The following SMG7 variants were observed in gnomAD, a reference collection of about 807,000 sequenced individuals.
The protein encoded by SMG7 is nonsense-mediated mRNA decay factor SMG7.
A neutral mutation model predicts 148.2 loss-of-function variants in SMG7; 34 were observed. The observed-to-expected ratio is 0.23, with a 90% CI of 0.17 to 0.31. The LOEUF (loss-of-function observed/expected upper bound fraction) is 0.31. Among genes scored for constraint, SMG7 ranks in the 10% least tolerant of loss-of-function variants. SMG7 has a pLI of 1.00. For missense variants in SMG7, 1,114 were observed against 1,408.4 expected (o/e 0.79, Z 3.35); for synonymous variants, 492 against 515.1 (o/e 0.96, Z 0.61).
intron 10 of SMG7, among the ~76,000 whole-genome samples, chr1:183,536,120 TTC>T (rs2102671206): frequency 6.6e-6 from 1 of 152,248 alleles, no homozygotes; most frequent in South Asian, 2.1e-4. Flanking sequence ...TTCTTTTTCT[TTC>T]TTTCTTTTTT....
chr1:183,509,716 T>C (rs1661719222), intron 1 of SMG7, among the ~76,000 whole-genome samples: 1 of 152,238 alleles, frequency 6.6e-6, no homozygotes, highest in South Asian at 2.1e-4. Flanking sequence ...CTACCCTTGT[T>C]ATACTGAGGA....
Position 183,552,254 on chromosome 1 carries a change from A to G in SMG7, c.*323A>G. 2 of 1,033,454 alleles carry G rather than the reference A, an allele frequency of 1.9e-6. No homozygotes were observed. The highest frequency in any genetic ancestry group is 3.4e-5 in the African/African-American group (2 of 59,292). 64.0% of individuals were successfully genotyped at this position (1,033,454 alleles called of 1,614,324 possible). On this transcript the variant is annotated 3_prime_UTR_variant, in exon 23 of 23. Transcript: ENST00000688051. ...ATGTCCCCAGCCACATGGGAAGTGA[A>G]AGCTGAGAAGGGAAGGCAGATGGGA...
rs1158236227 is a variant in SMG7 at position 183,550,797 on chromosome 1, C to T, written c.3180C>T (p.Ser1060=). 1 of 1,614,122 alleles carries T rather than the reference C, an allele frequency of 6.2e-7. No homozygotes were observed. ...AGTCTCCTCATTCCTCTAACCCAAG[C>T]AGCCTACCCAGCTCTCCTCCAACAC... ...ASQSPHSSNP[S]SLPSSPPTHN... The change falls in exon 21 of 23, where the codon AGC becomes AGT. Residue 1060 remains serine (S), a synonymous_variant. Transcript: ENST00000688051.
At chr1:183,538,077 T>A (rs1668117461) in intron 11 of SMG7, among the ~76,000 whole-genome samples, 1 of 152,184 alleles carries the variant, frequency 6.6e-6, no homozygotes, top group Non-Finnish European at 1.5e-5. Flanking sequence ...AGACAGGTAA[T>A]CTAAACATTG....
chr1:183,526,065 G>A (rs1046586508), intron 4 of SMG7, among the ~76,000 whole-genome samples: 1 of 151,174 alleles, frequency 6.6e-6, no homozygotes, highest in South Asian at 2.1e-4. Flanking sequence ...CTAGATTGCT[G>A]TAATACTTGA....
intron 1 of SMG7, among the ~76,000 whole-genome samples, chr1:183,476,627 G>A (rs1652247626): frequency 6.6e-6 from 1 of 152,134 alleles, no homozygotes; most frequent in African/African-American, 2.4e-5. Flanking sequence ...CTTCTATGTG[G>A]GAAAGATGAT....
intron 1 of SMG7, among the ~76,000 whole-genome samples, chr1:183,493,097 T>C (rs1457168654): frequency 6.6e-6 from 1 of 151,982 alleles, no homozygotes; most frequent in East Asian, 1.9e-4. Context: ...GCCTCCTGAG[T>C]AGCTGGAACT....
chr1:183,547,866 C>A (rs780645676), intron 18 of SMG7, among the ~76,000 whole-genome samples: 2 of 152,174 alleles, frequency 1.3e-5, no homozygotes, highest in Middle Eastern at 3.4e-3. Context: ...AAAATAAAAT[C>A]TGAGAACTCA....
chr1:183,550,975 C>T, intron 21 of SMG7, 54 bp downstream of exon 21: 1 of 1,613,196 alleles, frequency 6.2e-7, no homozygotes, highest in Admixed American at 1.7e-5. Flanking sequence ...CTCTATCCTT[C>T]CCTGGGGTCT....
chr1:183,550,798 A>G lies in SMG7; in HGVS notation c.3181A>G (p.Ser1061Gly). 1 of 1,614,156 alleles carries G rather than the reference A, an allele frequency of 6.2e-7. No individual in the cohort carries two copies. The highest frequency in any genetic ancestry group is 8.5e-7 in the Non-Finnish European group (1 of 1,180,000). Residue 1061 changes from serine (S) to glycine (G), a missense_variant, in exon 21 of 23, where the codon AGC becomes GGC. By Grantham distance (56) the Ser-to-Gly change is moderately conservative. Transcript: ENST00000688051. ...SQSPHSSNPSSLPSSPPTHNH... is the reference protein window; with the variant it reads ...SQSPHSSNPSGLPSSPPTHNH... ...GTCTCCTCATTCCTCTAACCCAAGC[A>G]GCCTACCCAGCTCTCCTCCAACACA...
chr1:183,507,264 G>A (rs1310253286), intron 1 of SMG7, among the ~76,000 whole-genome samples: 1 of 152,090 alleles, frequency 6.6e-6, no homozygotes, highest in Non-Finnish European at 1.5e-5. Flanking sequence ...CAAGATATTT[G>A]TTAAAGAAGA....
At chr1:183,526,120 G>T (rs752758855) in intron 4 of SMG7, among the ~76,000 whole-genome samples, 1 of 149,078 alleles carries the variant, frequency 6.7e-6, no homozygotes, top group Non-Finnish European at 1.5e-5. Context: ...TAGTTATCCT[G>T]TGAAAGATTA....
At chr1:183,535,956 AT>A (rs1370704527) in intron 10 of SMG7, among the ~76,000 whole-genome samples, 2 of 152,104 alleles carry the variant, frequency 1.3e-5, no homozygotes, top group East Asian at 1.9e-4. Context: ...TTGTTTATAT[AT>A]TTTTAATATG....
chr1:183,527,835 T>C lies in SMG7; in HGVS notation c.485-121T>C. The C allele has an allele frequency of 2.9e-6, 2 of 684,274 alleles. No homozygotes were observed. The highest frequency in any genetic ancestry group is 3.5e-5 in the South Asian group (2 of 57,908). 42.4% of individuals were successfully genotyped at this position (684,274 alleles called of 1,614,324 possible). A position where few individuals can be genotyped will look rare whatever the true frequency, so the allele number is the denominator to read the frequency against. The stretch of plus-strand genomic sequence containing the variant: ...TAATTTGTTTTAAAGTATTTTGTCT[T>C]TAATTTTAAATTAACTTTAATGTCT... On this transcript the variant is annotated intron_variant, in intron 5 of 22. Coordinates refer to ENST00000688051, the MANE Select transcript of SMG7 (RefSeq NM_001375584.1). The surrounding 1 kb of genome is among the most constrained non-coding windows in gnomAD (Gnocchi z 4.0).
chr1:183,478,700 G>T (rs1653298802), intron 1 of SMG7, among the ~76,000 whole-genome samples: 1 of 152,148 alleles, frequency 6.6e-6, no homozygotes, highest in Non-Finnish European at 1.5e-5. Context: ...AAAAGGGCTG[G>T]TGTGTTTTAT....
intron 2 of SMG7, among the ~76,000 whole-genome samples, chr1:183,514,832 C>T (rs909354018): frequency 2.6e-5 from 4 of 152,176 alleles, no homozygotes; most frequent in African/African-American, 7.2e-5. Flanking sequence ...AAACTCTATT[C>T]TTAACTAGCC....
rs1488103533 is a variant in SMG7, at chr1:183,550,850, A to G, written c.3233A>G (p.Asn1078Ser). 22 of 1,614,056 alleles carry G rather than the reference A, an allele frequency of 1.4e-5. No homozygotes were observed. The highest frequency in any genetic ancestry group is 1.9e-5 in the Non-Finnish European group (22 of 1,179,978). ...AACCATAATTCTGTTCCATTCTCCA[A>G]TTTTGGACCCATTGGGACTCCAGAT... ...THNHNSVPFSNFGPIGTPDNR... is the reference protein window; with the variant it reads ...THNHNSVPFSSFGPIGTPDNR... Residue 1078 changes from asparagine to serine, a missense_variant, in exon 21 of 23, where the codon AAT becomes AGT. Coordinates refer to ENST00000688051, the MANE Select transcript of SMG7 (RefSeq NM_001375584.1).
rs764983644 is a variant in SMG7 at position 183,528,843 on chromosome 1, G to A, written c.557-49G>A. On this transcript the variant is annotated intron_variant, in intron 6 of 22. Coordinates refer to ENST00000688051, the MANE Select transcript of SMG7 (RefSeq NM_001375584.1). ...CTGATCATTTGTATTCTTATAGCAA[G>A]ACTTTGTCACTCTTGGGGTTACTCC... The A allele has an allele frequency of 1.1e-5, 16 of 1,489,962 alleles. 1 individual carries two copies. The South Asian group carries it at 1.9e-4, about 18-fold the overall frequency. 92.3% of individuals were successfully genotyped at this position (1,489,962 alleles called of 1,614,324 possible).
At chr1:183,476,278 G>A (rs1260677586) in intron 1 of SMG7, among the ~76,000 whole-genome samples, 1 of 152,194 alleles carries the variant, frequency 6.6e-6, no homozygotes, top group Non-Finnish European at 1.5e-5. Context: ...TCGTGACCTT[G>A]ACTTGAAGAA....
Sources: gnomAD v4.1 joint callset for allele counts (sites outside exome capture counted in the v4.1 genomes callset) on GRCh38, gnomAD v4.1.1 for gene constraint, Gnocchi (gnomAD v3.1) non-coding constraint, MANE v1.5 for transcripts, NCBI Gene and HGNC (gene_info 2026-07-23, HGNC 2026-07-21) for gene names.